Variants in TNS1 observed in about 807,000 individuals in gnomAD.
TNS1 encodes the protein tensin-1.
TNS1 carries 62 observed loss-of-function variants against 168.6 expected under a neutral mutation model. That is an observed-to-expected ratio of 0.37 (90% CI 0.30 to 0.45). The LOEUF (loss-of-function observed/expected upper bound fraction) is 0.45, where lower values mean the gene tolerates loss of function less well. Ranked by LOEUF, TNS1 falls within the 20% of genes least tolerant of loss-of-function variation. The pLI is 1.00. For missense variants in TNS1, 2,240 were observed against 2,339.4 expected, an observed-to-expected ratio of 0.96 and a Z score of 0.88; for synonymous variants, 934 against 933.2, an observed-to-expected ratio of 1.00 and a Z score of -0.02.
At chr2:217,820,755 C>T (rs1439363963) in intron 23 of TNS1, among the ~76,000 whole-genome samples, 3 of 152,158 alleles carry the variant, frequency 2.0e-5, no homozygotes, top group Non-Finnish European at 1.5e-5. Flanking sequence ...TTTGTCCCCT[C>T]CACCTTCACC....
At chr2:218,005,808 GC>G (rs1410909372), upstream of TNS1, among the ~76,000 whole-genome samples, 2 of 152,276 alleles carry the variant, frequency 1.3e-5, no homozygotes, top group East Asian at 3.9e-4. Flanking sequence ...CTTCAAAAGG[GC>G]CTCAGGCAGC....
At chr2:217,875,129 C>T (rs1382272838) in intron 18 of TNS1, among the ~76,000 whole-genome samples, 1 of 152,228 alleles carries the variant, frequency 6.6e-6, no homozygotes, top group African/African-American at 2.4e-5. Flanking sequence ...CCCACAGCTG[C>T]AGCAGTGAAG....
intron 3 of TNS1, among the ~76,000 whole-genome samples, chr2:217,931,654 G>A (rs1956329716): frequency 6.6e-6 from 1 of 152,168 alleles, no homozygotes; most frequent in South Asian, 2.1e-4. Flanking sequence ...AGAATTACTT[G>A]CAAACCACAG....
At chr2:217,871,215 T>A (rs1028519075) in intron 18 of TNS1, among the ~76,000 whole-genome samples, 3 of 152,196 alleles carry the variant, frequency 2.0e-5, no homozygotes, top group Admixed American at 6.5e-5. Flanking sequence ...AAACCTCTCC[T>A]GCTAGTATCT....
At chr2:217,805,616 CACATACA>C (rs2125043176) in intron 32 of TNS1, among the ~76,000 whole-genome samples, 1 of 14,278 alleles carries the variant, frequency 7.0e-5, no homozygotes, top group Admixed American at 7.7e-4. Flanking sequence ...ACACACCACA[CACATACA>C]CACCATCACA....
At chr2:217,900,355 G>A (rs1173285759) in intron 7 of TNS1, 108 bp downstream of exon 7, 1 of 1,279,858 alleles carries the variant, frequency 7.8e-7, no homozygotes, top group South Asian at 1.3e-5. Context: ...CCCCACCCGT[G>A]GCTTTATGGC....
rs574315606 is a variant in TNS1, at chr2:217,971,639, A to G, written c.186+7126T>C. ...GCAAGTGTATGTTGGATTTTATAAGAAATGGCCAAACTGTTTCTAGAGCAG... is the reference window on the plus strand; with the variant it reads ...GCAAGTGTATGTTGGATTTTATAAGGAATGGCCAAACTGTTTCTAGAGCAG... On this transcript the variant is annotated intron_variant, in intron 3 of 32. Coordinates refer to ENST00000682258, the MANE Select transcript of TNS1 (RefSeq NM_001387777.1). 5.9e-5 allele frequency among the ~76,000 whole-genome samples: 9 copies of G among 152,342 alleles called. No homozygotes were observed. In the East Asian group the frequency reaches 9.6e-4, roughly 16 times the overall value.
At chr2:217,892,847 G>A (rs937172023) in intron 11 of TNS1, 101 bp downstream of exon 11, 43 of 1,324,562 alleles carry the variant, frequency 3.2e-5, no homozygotes, top group African/African-American at 1.0e-4. Flanking sequence ...CCCTCTGTGC[G>A]TATCCCCTCA....
chr2:217,916,596 C>T (rs916858246), intron 4 of TNS1, among the ~76,000 whole-genome samples: 1 of 151,898 alleles, frequency 6.6e-6, no homozygotes, highest in African/African-American at 2.4e-5. Flanking sequence ...TCCTGCCCCA[C>T]CAGTGCCCCA....
At chr2:217,841,373 C>T (rs1945936360) in intron 19 of TNS1, 2 of 591,420 alleles carry the variant, frequency 3.4e-6, no homozygotes. Flanking sequence ...ACCCCACCAA[C>T]AGCACAGGGA....
At chr2:217,895,214 C>T (rs2125721019) in intron 8 of TNS1, among the ~76,000 whole-genome samples, 158 bp from the exon 9 acceptor site, 1 of 152,316 alleles carries the variant, frequency 6.6e-6, no homozygotes, top group Admixed American at 6.5e-5. Context: ...CGTCAATGTC[C>T]TCTCACGGCC....
intron 19 of TNS1, among the ~76,000 whole-genome samples, chr2:217,846,349 G>C (rs1946645904): frequency 6.6e-6 from 1 of 152,200 alleles, no homozygotes; most frequent in South Asian, 2.1e-4. Context: ...ACCAGGTCCT[G>C]AGCCAGCTGG....
chr2:217,846,416 T>A (rs1946652472), intron 19 of TNS1, among the ~76,000 whole-genome samples: 1 of 152,034 alleles, frequency 6.6e-6, no homozygotes, highest in African/African-American at 2.4e-5. Flanking sequence ...GGTGTTTCCT[T>A]CCCTCCCTGC....
At chr2:217,982,640 C>G (rs1958084541) in intron 2 of TNS1, among the ~76,000 whole-genome samples, 1 of 152,122 alleles carries the variant, frequency 6.6e-6, no homozygotes, top group Non-Finnish European at 1.5e-5. Flanking sequence ...TGAGCTCAAG[C>G]AATCCTCCTG....
At chr2:217,831,589 G>A (rs1944430027) in intron 21 of TNS1, 42 bp from the exon 22 acceptor site, 2 of 1,404,524 alleles carry the variant, frequency 1.4e-6, no homozygotes, top group South Asian at 3.3e-5. Flanking sequence ...AGTGAGAGGT[G>A]GGCAGGAGGG....
chr2:217,926,657 T>A lies in TNS1; in HGVS notation c.187-6421A>T, dbSNP rs531146733. On this transcript the variant is annotated intron_variant, in intron 3 of 32. Coordinates refer to ENST00000682258, the MANE Select transcript of TNS1 (RefSeq NM_001387777.1). ...CAAGTGGAATAACTAGTGGTAGTCATTGTGGCAGCAAGTGTTCATTGCTAA... is the reference window on the plus strand; with the variant it reads ...CAAGTGGAATAACTAGTGGTAGTCAATGTGGCAGCAAGTGTTCATTGCTAA... Among the ~76,000 whole-genome samples the A allele has an allele frequency of 2.0e-5, 3 of 152,352 alleles. No individual in the cohort carries two copies. In the East Asian group the frequency reaches 5.8e-4, roughly 29 times the overall value.
chr2:217,825,734 A>C (rs1433361103), intron 22 of TNS1, among the ~76,000 whole-genome samples: 1 of 152,140 alleles, frequency 6.6e-6, no homozygotes, highest in African/African-American at 2.4e-5. Flanking sequence ...GCCTAAACAC[A>C]GGCACCTGAG....
At chr2:217,910,190 T>C (rs1954203900) in intron 4 of TNS1, among the ~76,000 whole-genome samples, 1 of 152,142 alleles carries the variant, frequency 6.6e-6, no homozygotes, top group African/African-American at 2.4e-5. Flanking sequence ...CTCCTGCCAG[T>C]GATCATCTGA....
intron 4 of TNS1, among the ~76,000 whole-genome samples, chr2:217,909,348 G>A (rs990990939): frequency 5.9e-5 from 9 of 152,160 alleles, no homozygotes; most frequent in African/African-American, 9.6e-5. Flanking sequence ...TGACCTGTCC[G>A]CTACCCAGCC....
Sources: gnomAD v4.1 joint callset for allele counts (sites outside exome capture counted in the v4.1 genomes callset) on GRCh38, gnomAD v4.1.1 for gene constraint, MANE v1.5 for transcripts, NCBI Gene and HGNC (gene_info 2026-07-23, HGNC 2026-07-21) for gene names.